Variants in PAK6 observed in about 807,000 individuals in gnomAD.
PAK6 encodes serine/threonine-protein kinase PAK 6.
In PAK6, 33 loss-of-function variants were observed where a neutral mutation model predicts 60.8. That is an observed-to-expected ratio of 0.54 (90% CI 0.41 to 0.73). The LOEUF is 0.73. PAK6 is among the 30% of genes least tolerant of loss of function. The probability of loss-of-function intolerance (pLI) is 0.00; values close to 1 mark genes in which losing one functional copy is unlikely to be tolerated. For missense variants in PAK6, 845 were observed against 904.1 expected, an observed-to-expected ratio of 0.93 and a Z score of 0.84; for synonymous variants, 404 against 378.5, an observed-to-expected ratio of 1.07 and a Z score of -0.78.
At chr15:40,262,421 T>C (rs1401945549) in intron 3 of PAK6, among the ~76,000 whole-genome samples, 1 of 152,128 alleles carries the variant, frequency 6.6e-6, no homozygotes, top group Non-Finnish European at 1.5e-5. Flanking sequence ...AGAGAATCAC[T>C]TGAACCCGGG....
Position 40,249,585 on chromosome 15 carries a change from G to A in PAK6, c.-117-3593G>A, listed in dbSNP as rs188052801. 4.1e-4 allele frequency among the ~76,000 whole-genome samples: 62 copies of A among 152,290 alleles called. 1 individual carries two copies. Among genetic ancestry groups the A allele is most frequent in the Non-Finnish European group, 5.9e-4 (40 of 68,012 alleles). On this transcript the variant is annotated intron_variant, in intron 2 of 10. Coordinates refer to ENST00000560346, the Ensembl canonical transcript of PAK6. The stretch of plus-strand genomic sequence containing the variant: ...GTCGCCCAGAGGAAGGAGTCTGAAC[G>A]GAGTAAAAGAGCTTGTTAGTCGCCT...
Position 40,273,010 on chromosome 15 carries a change from G to A in PAK6, c.1490+11G>A, listed in dbSNP as rs377535155. 35 of 1,612,942 alleles carry A rather than the reference G, an allele frequency of 2.2e-5. No individual in the cohort carries two copies. The East Asian group carries it at 4.2e-4, about 20-fold the overall frequency. On this transcript the variant is annotated intron_variant, in intron 7 of 10. Transcript: ENST00000560346. Reference sequence around the variant, plus strand: ...CGTCTCCCAAGTCAGGTGGGCAGCTGGGAGGGCTGGACCCTGAGTGCAGGC... The same window carrying A: ...CGTCTCCCAAGTCAGGTGGGCAGCTAGGAGGGCTGGACCCTGAGTGCAGGC...
intron 5 of PAK6, among the ~76,000 whole-genome samples, chr15:40,268,427 C>T (rs1213513853): frequency 6.6e-6 from 1 of 152,214 alleles, no homozygotes; most frequent in Non-Finnish European, 1.5e-5. Context: ...GTCACTCGAG[C>T]ACACCCATTA....
chr15:40,253,952 C>G (rs1411442336), intron 3 of PAK6, among the ~76,000 whole-genome samples: 1 of 152,114 alleles, frequency 6.6e-6, no homozygotes, highest in Non-Finnish European at 1.5e-5. Flanking sequence ...AGGTCTGTGT[C>G]CATGCTCGTT....
chr15:40,276,026 C>T lies in PAK6; in HGVS notation c.1978C>T (p.Gln660Ter). 6.2e-7 allele frequency: 1 copy of T among 1,613,772 alleles called. No homozygotes were observed. Among genetic ancestry groups the T allele is most frequent in the South Asian group, 1.1e-5 (1 of 91,066 alleles). The change falls in exon 11 of 11, where the codon CAG becomes TAG. Residue 660 changes from glutamine (Q) to a stop codon, truncating the protein, a stop_gained. Coordinates refer to ENST00000560346, the Ensembl canonical transcript of PAK6. LOFTEE classifies it high-confidence loss of function. ...GCTCCTAGACCACCCCTTCCTGCTG[C>T]AGACAGGGCTACCTGAGTGCCTGGT...
chr15:40,260,580 A>G (rs1288422693), intron 3 of PAK6, among the ~76,000 whole-genome samples: 1 of 152,200 alleles, frequency 6.6e-6, no homozygotes, highest in East Asian at 1.9e-4. Context: ...ATTTAGTACA[A>G]TCCTCCAACT....
chr15:40,252,636 G>A lies in PAK6; in HGVS notation c.-117-542G>A, dbSNP rs774867987. The A allele has an allele frequency of 3.0e-6, 4 of 1,333,206 alleles. No individual in the cohort carries two copies. In the Admixed American group the frequency reaches 8.4e-5, roughly 28 times the overall value. 82.6% of individuals were successfully genotyped at this position (1,333,206 alleles called of 1,614,324 possible). On this transcript the variant is annotated intron_variant, in intron 2 of 10. Transcript: ENST00000560346. The stretch of plus-strand genomic sequence containing the variant: ...CCCGCGCCGAGGTCCCTCCCGCGGA[G>A]GGCGGGCCCGGCTCCCACGACCTCT...
At chr15:40,264,597 G>A (rs2039069401) in intron 3 of PAK6, 184 bp from the exon 4 acceptor site, 9 of 638,210 alleles carry the variant, frequency 1.4e-5, no homozygotes, top group African/African-American at 1.8e-5. Flanking sequence ...TGTTGTTTCT[G>A]GGACTGTTCT....
exon 4 of PAK6, chr15:40,264,782 CA>C: frequency 6.2e-7 from 1 of 1,613,530 alleles, no homozygotes; most frequent in Non-Finnish European, 8.5e-7. Flanking sequence ...CACTTACAGG[CA>C]CCATGTTCCG....
At chr15:40,244,548 C>T (rs2038447318) in intron 2 of PAK6, among the ~76,000 whole-genome samples, 1 of 151,784 alleles carries the variant, frequency 6.6e-6, no homozygotes, top group South Asian at 2.1e-4. Flanking sequence ...CAAGCACCCA[C>T]CACCATGCCC....
chr15:40,270,426 G>A (rs555262139), intron 5 of PAK6, among the ~76,000 whole-genome samples: 39 of 152,354 alleles, frequency 2.6e-4, no homozygotes, highest in African/African-American at 8.7e-4. Flanking sequence ...AGGCTCTGAG[G>A]CGGGAAGTCT....
chr15:40,273,871 C>T (rs1273800506), intron 9 of PAK6, 195 bp downstream of exon 9: 4 of 717,572 alleles, frequency 5.6e-6, no homozygotes, highest in African/African-American at 5.4e-5. Flanking sequence ...CCTGCAAGTG[C>T]TTTCCTCAGC....
rs2039343808 is a variant in PAK6, at chr15:40,272,731, C to T, written c.1356+10C>T. 3 of 1,580,726 alleles carry T rather than the reference C, an allele frequency of 1.9e-6. No homozygotes were observed. The highest frequency in any genetic ancestry group is 1.7e-5 in the Admixed American group (1 of 59,164). On this transcript the variant is annotated intron_variant, in intron 6 of 10. Coordinates refer to ENST00000560346, the Ensembl canonical transcript of PAK6. The stretch of plus-strand genomic sequence containing the variant: ...GCTGCTCTTCAACGAGGTGGGAGGA[C>T]AGGGTGGGACACAGACGGGGGCGTT...
chr15:40,249,017 A>G (rs185986918), intron 2 of PAK6, among the ~76,000 whole-genome samples: 203 of 152,254 alleles, frequency 1.3e-3, no homozygotes, highest in Middle Eastern at 6.8e-3. Flanking sequence ...ACAGAAATTT[A>G]TTTCTCACAG....
At position 40,252,306 on chromosome 15, in the gene PAK6, G is replaced by T. The variant is rs370638959; in HGVS notation, c.-117-872G>T. The T allele has an allele frequency of 5.7e-6, 7 of 1,235,510 alleles. No homozygotes were observed. The African/African-American group carries it at 9.4e-5, about 17-fold the overall frequency. 76.5% of individuals were successfully genotyped at this position (1,235,510 alleles called of 1,614,324 possible). A position where few individuals can be genotyped will look rare whatever the true frequency, so the allele number is the denominator to read the frequency against. On this transcript the variant is annotated intron_variant, in intron 2 of 10. Transcript: ENST00000560346. Reference sequence around the variant, plus strand: ...GCGCTCAGCTGATTCTCCAGGTCGGGTCTCCGCGAGGCGGCCACTGGGCCG... The same window carrying T: ...GCGCTCAGCTGATTCTCCAGGTCGGTTCTCCGCGAGGCGGCCACTGGGCCG...
intron 5 of PAK6, among the ~76,000 whole-genome samples, chr15:40,269,025 T>C (rs935150091): frequency 6.6e-6 from 1 of 152,172 alleles, no homozygotes; most frequent in Non-Finnish European, 1.5e-5. Context: ...AATGGCTTTA[T>C]TAGTAGTATT....
At chr15:40,241,856 C>T (rs1173058454) in intron 2 of PAK6, among the ~76,000 whole-genome samples, 1 of 152,204 alleles carries the variant, frequency 6.6e-6, no homozygotes, top group East Asian at 1.9e-4. Flanking sequence ...AGCACATGTG[C>T]TCAGAGTCAG....
In PAK6 at chr15:40,265,464, G is replaced by T. The variant is rs1416678972; in HGVS notation, c.205-378G>T. Among the ~76,000 whole-genome samples, 3 of 152,148 alleles carry T rather than the reference G, an allele frequency of 2.0e-5. No individual in the cohort carries two copies. In the East Asian group the frequency reaches 5.8e-4, roughly 29 times the overall value. ...TGTGTGTGGAGGAGCCCCCGGCCTG[G>T]TGTCTCTTCCTCAGAGGGCTGGGCA... On this transcript the variant is annotated intron_variant, in intron 4 of 10. Transcript: ENST00000560346.
chr15:40,274,245 GC>G lies in PAK6; in HGVS notation c.1853del (p.Pro618HisfsTer4). On this transcript the variant is annotated frameshift_variant, in exon 10 of 11. Transcript: ENST00000560346. LOFTEE classifies it high-confidence loss of function. ...CAAGCCATGAAGAGGCTCCGGGACA[GC>G]CCCCCACCCAAGCTGAAAAACTCTC... The G allele has an allele frequency of 3.7e-6, 6 of 1,611,458 alleles. No homozygotes were observed. The highest frequency in any genetic ancestry group is 1.1e-5 in the South Asian group (1 of 90,922).
Sources: allele counts gnomAD v4.1 joint callset (sites outside exome capture counted in the v4.1 genomes callset), GRCh38; gene constraint gnomAD v4.1.1; transcripts MANE v1.5; gene names NCBI Gene and HGNC (gene_info 2026-07-23, HGNC 2026-07-21).